Variants in CNTN6 observed in about 807,000 individuals in gnomAD.
CNTN6 encodes contactin 6, also known as contactin-6.
In CNTN6, 137 loss-of-function variants were observed where a neutral mutation model predicts 122.8. The observed-to-expected ratio is 1.12, with a 90% CI of 0.97 to 1.29. The LOEUF (loss-of-function observed/expected upper bound fraction) is 1.29, where lower values mean the gene tolerates loss of function less well. Among genes scored for constraint, CNTN6 ranks in the 50% most tolerant of loss-of-function variants. The pLI is 0.00. For missense variants in CNTN6, 1,634 were observed against 1,223.4 expected, an observed-to-expected ratio of 1.34 and a Z score of -5.01; for synonymous variants, 570 against 426.0, an observed-to-expected ratio of 1.34 and a Z score of -4.16.
chr3:1,316,167 C>T (rs964145344), intron 7 of CNTN6, among the ~76,000 whole-genome samples: 1 of 149,464 alleles, frequency 6.7e-6, no homozygotes, highest in East Asian at 1.9e-4. Context: ...GAATTGTGTA[C>T]TATTACTAAT....
At chr3:1,230,586 G>A (rs186576559) in intron 4 of CNTN6, among the ~76,000 whole-genome samples, 1 of 152,260 alleles carries the variant, frequency 6.6e-6, no homozygotes, top group Admixed American at 6.5e-5. Context: ...TAATACATGT[G>A]CTTTGACATA....
At chr3:1,321,425 C>T (rs1238619479) in intron 7 of CNTN6, among the ~76,000 whole-genome samples, 1 of 151,684 alleles carries the variant, frequency 6.6e-6, no homozygotes, top group Non-Finnish European at 1.5e-5. Flanking sequence ...CCACTATTTT[C>T]CCTGAACATA....
chr3:1,297,195 C>A (rs2125870621), intron 6 of CNTN6, among the ~76,000 whole-genome samples: 1 of 151,872 alleles, frequency 6.6e-6, no homozygotes, highest in South Asian at 2.1e-4. Context: ...ATTATATTGA[C>A]CACCAACAAT....
chr3:1,198,589 G>T (rs1333370715), intron 2 of CNTN6, among the ~76,000 whole-genome samples: 3 of 152,092 alleles, frequency 2.0e-5, no homozygotes, highest in African/African-American at 7.2e-5. Flanking sequence ...AGTCATGGGG[G>T]TGCATGCTTG....
At chr3:1,150,018 C>T (rs1035956480) in intron 2 of CNTN6, among the ~76,000 whole-genome samples, 5 of 152,008 alleles carry the variant, frequency 3.3e-5, no homozygotes, top group African/African-American at 1.2e-4. Context: ...ATCATATACC[C>T]TTGGTGCACA....
chr3:1,157,178 A>G (rs1160316548), intron 2 of CNTN6, among the ~76,000 whole-genome samples: 1 of 146,866 alleles, frequency 6.8e-6, no homozygotes, highest in Non-Finnish European at 1.5e-5. Flanking sequence ...GTCACAAACA[A>G]TCTAATTATA....
At chr3:1,104,912 T>C (rs1470828820) in intron 1 of CNTN6, among the ~76,000 whole-genome samples, 1 of 152,176 alleles carries the variant, frequency 6.6e-6, no homozygotes, top group Non-Finnish European at 1.5e-5. Flanking sequence ...GTTCCCTTTT[T>C]ACTCAAACCA....
At chr3:1,255,364 C>A (rs1461606217) in intron 4 of CNTN6, among the ~76,000 whole-genome samples, 2 of 150,862 alleles carry the variant, frequency 1.3e-5, no homozygotes, top group Non-Finnish European at 2.9e-5. Flanking sequence ...GACGGAAACA[C>A]CACGTTTAAA....
chr3:1,305,168 C>T (rs539991651), intron 7 of CNTN6, among the ~76,000 whole-genome samples: 2 of 152,164 alleles, frequency 1.3e-5, no homozygotes, highest in Non-Finnish European at 2.9e-5. Context: ...GATTAGGTAG[C>T]ACTCAGAAAA....
At position 1,271,818 on chromosome 3, in the gene CNTN6, T is replaced by A. The variant is rs180966658; in HGVS notation, c.359-6595T>A. Among the ~76,000 whole-genome samples the A allele has an allele frequency of 2.0e-4, 30 of 152,264 alleles. 1 individual carries two copies. In the East Asian group the frequency reaches 5.2e-3, roughly 26 times the overall value. ...CATGGAGTATTAGTTTATGTTAATT[T>A]TGTAAATTATAAGTGGCAAGGAGAC... On this transcript the variant is annotated intron_variant, in intron 4 of 22. Coordinates refer to ENST00000446702, the MANE Select transcript of CNTN6 (RefSeq NM_001289080.2).
chr3:1,294,071 CTT>C (rs1695790544), intron 5 of CNTN6, among the ~76,000 whole-genome samples: 4 of 152,120 alleles, frequency 2.6e-5, no homozygotes, highest in Non-Finnish European at 4.4e-5. Flanking sequence ...TAAAGTTACA[CTT>C]ACATCTACAT....
In CNTN6 at chr3:1,403,408, C is replaced by G; in HGVS notation, c.3077C>G (p.Pro1026Arg). 6.3e-7 allele frequency: 1 copy of G among 1,596,564 alleles called. No homozygotes were observed. The highest frequency in any genetic ancestry group is 1.7e-5 in the Admixed American group (1 of 59,766). The change falls in exon 23 of 23, where the codon CCA (proline) becomes CGA (arginine). Residue 1026 changes from proline to arginine, a missense_variant. Pro to Arg is a moderately radical substitution (Grantham distance 103, BLOSUM62 -2). Coordinates refer to ENST00000446702, the MANE Select transcript of CNTN6 (RefSeq NM_001289080.2). ...ATTTTTCACTGTTTTGCTATTCAGC[C>G]ACTTATCTGATGAATAAAACCATAA... Reference protein sequence around the residue: ...IVIFHCFAIQPLI With the variant: ...IVIFHCFAIQRLI
chr3:1,158,911 TAC>T (rs1351969566), intron 2 of CNTN6, among the ~76,000 whole-genome samples: 3 of 108,470 alleles, frequency 2.8e-5, no homozygotes, highest in African/African-American at 1.1e-4. Context: ...CACATATATA[TAC>T]ACACACATAT....
chr3:1,299,207 TA>T (rs1211575327), intron 7 of CNTN6, among the ~76,000 whole-genome samples: 1 of 152,148 alleles, frequency 6.6e-6, no homozygotes, highest in African/African-American at 2.4e-5. Context: ...AAGTGACAAA[TA>T]GGGGCTTTAC....
At chr3:1,382,293 A>G (rs78051628) in intron 17 of CNTN6, among the ~76,000 whole-genome samples, 4,955 of 152,230 alleles carry the variant, frequency 0.033, 112 homozygotes, top group South Asian at 0.055. Flanking sequence ...AATATTACCA[A>G]TTTCTATTTT....
At chr3:1,177,865 C>G (rs2093479172) in intron 2 of CNTN6, among the ~76,000 whole-genome samples, 1 of 148,286 alleles carries the variant, frequency 6.7e-6, no homozygotes, top group Non-Finnish European at 1.5e-5. Flanking sequence ...GACTGGTGTT[C>G]ACTGAGTTTC....
chr3:1,200,038 T>C (rs1242282077), intron 2 of CNTN6, among the ~76,000 whole-genome samples: 5 of 152,202 alleles, frequency 3.3e-5, no homozygotes, highest in African/African-American at 9.6e-5. Context: ...TAGACATATA[T>C]ATATGTCTTT....
At chr3:1,300,573 GAAAGAAAGA>G (rs1697154828) in intron 7 of CNTN6, among the ~76,000 whole-genome samples, 1 of 45,622 alleles carries the variant, frequency 2.2e-5, no homozygotes, top group South Asian at 9.1e-4. Flanking sequence ...AAGAAAGAAA[GAAAGAAAGA>G]AAGAAAGAAA....
At chr3:1,157,571 G>A (rs2093003513) in intron 2 of CNTN6, among the ~76,000 whole-genome samples, 2 of 152,218 alleles carry the variant, frequency 1.3e-5, no homozygotes, top group South Asian at 4.2e-4. Flanking sequence ...ACCCTGTTGT[G>A]CTATCAAATA....
Sources: gnomAD v4.1 joint callset for allele counts (sites outside exome capture counted in the v4.1 genomes callset) on GRCh38, gnomAD v4.1.1 for gene constraint, MANE v1.5 for transcripts, NCBI Gene and HGNC (gene_info 2026-07-23, HGNC 2026-07-21) for gene names.